Variants in MUC4 observed in about 807,000 individuals in gnomAD.
The protein encoded by MUC4 is mucin 4, cell surface associated.
MUC4 carries 202 observed loss-of-function variants against 257.9 expected under a neutral mutation model. The observed-to-expected ratio is 0.78, with a 90% CI of 0.70 to 0.88. MUC4 has a LOEUF of 0.88. MUC4 is among the 40% of genes least tolerant of loss of function. The probability of loss-of-function intolerance (pLI) is 0.00; values close to 1 mark genes in which losing one functional copy is unlikely to be tolerated. For missense variants in MUC4, 5,976 were observed against 6,513.7 expected, an observed-to-expected ratio of 0.92 and a Z score of 2.84; for synonymous variants, 2,351 against 2,757.1, an observed-to-expected ratio of 0.85 and a Z score of 4.62.
intron 1 of MUC4, among the ~76,000 whole-genome samples, chr3:195,797,127 G>C (rs1734673314): frequency 6.6e-6 from 1 of 151,862 alleles, no homozygotes; most frequent in Non-Finnish European, 1.5e-5. Flanking sequence ...GTGTGTGCTG[G>C]GCTTGGTGGC....
intron 24 of MUC4, among the ~76,000 whole-genome samples, chr3:195,748,056 C>G (rs1253256119): frequency 6.6e-6 from 1 of 150,850 alleles, no homozygotes; most frequent in Non-Finnish European, 1.5e-5. Flanking sequence ...TCGGCGGGAT[C>G]TGGAACTGCA....
At chr3:195,764,963 G>A (rs781460835) in intron 10 of MUC4, 34 bp downstream of exon 10, 32 of 1,606,300 alleles carry the variant, frequency 2.0e-5, no homozygotes, top group African/African-American at 8.0e-5. Flanking sequence ...CTACTTGGCC[G>A]GGAAGGTGGG....
rs779723330 is a variant in MUC4 at position 195,781,456 on chromosome 3, G to A, written c.10124C>T (p.Thr3375Ile). The change falls in exon 2 of 25, where the codon ACC (threonine) becomes ATC (isoleucine). Residue 3375 changes from threonine to isoleucine, a missense_variant. This residue lies in a region of MUC4 where 297 missense variants were observed against 240.9 expected (regional missense o/e 1.23). Transcript: ENST00000463781. ...GLSSASTGDT[T>I]RLPVTDISSA... ...GGAAATGTCGGTGACAGGAAGACGG[G>A]TGGTGTCACCTGTGGAAGCTGAGGA... 1.3e-6 allele frequency: 2 copies of A among 1,539,208 alleles called. No homozygotes were observed. The highest frequency in any genetic ancestry group is 1.5e-5 in the African/African-American group (1 of 68,346).
intron 20 of MUC4, 133 bp from the exon 21 acceptor site, chr3:195,752,579 GCCC>G: frequency 2.8e-6 from 2 of 720,088 alleles, no homozygotes; most frequent in Non-Finnish European, 2.5e-6. Context: ...GGGAGAAGTG[GCCC>G]TCACCCTACA....
chr3:195,797,629 T>C (rs1195452118), intron 1 of MUC4, among the ~76,000 whole-genome samples: 7 of 152,222 alleles, frequency 4.6e-5, no homozygotes. Context: ...TTGAAGGTTT[T>C]AGCTGGTGAA....
intron 21 of MUC4, chr3:195,751,733 G>GTGTGGAT: frequency 4.2e-6 from 1 of 238,920 alleles, no homozygotes; most frequent in Non-Finnish European, 8.2e-6. Context: ...GGAGTGTGGA[G>GTGTGGAT]TGGGGAGTGC....
rs564268692 is a variant in MUC4, at chr3:195,755,353, G to A, written c.15169-981C>T. Among the ~76,000 whole-genome samples, 82 of 151,808 alleles carry A rather than the reference G, an allele frequency of 5.4e-4. No homozygotes were observed. The highest frequency in any genetic ancestry group is 1.9e-3 in the African/African-American group (77 of 41,398). On this transcript the variant is annotated intron_variant, in intron 18 of 24. Transcript: ENST00000463781. The surrounding 1 kb of genome is among the most constrained non-coding windows in gnomAD (Gnocchi z 5.0). Reference sequence around the variant, plus strand: ...TGAGATTACAGGCATATGCCACCACGCCCAGCTAATTTTTTGATTTTTAGT... The same window carrying A: ...TGAGATTACAGGCATATGCCACCACACCCAGCTAATTTTTTGATTTTTAGT...
intron 1 of MUC4, among the ~76,000 whole-genome samples, chr3:195,801,482 C>T (rs1735304700): frequency 6.6e-6 from 1 of 151,986 alleles, no homozygotes; most frequent in African/African-American, 2.4e-5. Flanking sequence ...ACTGCTCTGC[C>T]TCTGTGTCTC....
Position 195,757,108 on chromosome 3 carries a change from C to G in MUC4, c.15168+39G>C. The G allele has an allele frequency of 6.4e-7, 1 of 1,566,860 alleles. No homozygotes were observed. Among genetic ancestry groups the G allele is most frequent in the Non-Finnish European group, 8.7e-7 (1 of 1,146,988 alleles). On this transcript the variant is annotated intron_variant, in intron 18 of 24. Transcript: ENST00000463781. The surrounding 1 kb of genome is among the most constrained non-coding windows in gnomAD (Gnocchi z 4.8). ...CCATTCCACTCCCATTTCCTCTCCC[C>G]TCGGCACAGAAACTCCTCCCCCACC...
intron 4 of MUC4, 62 bp downstream of exon 4, chr3:195,774,110 G>A (rs1052091663): frequency 4.0e-5 from 61 of 1,510,560 alleles, no homozygotes; most frequent in Middle Eastern, 2.3e-4. Context: ...GTTCCGTCTC[G>A]AAGCAGGAGA....
intron 23 of MUC4, among the ~76,000 whole-genome samples, chr3:195,749,595 A>C (rs1248576049): frequency 6.6e-6 from 1 of 152,182 alleles, no homozygotes; most frequent in African/African-American, 2.4e-5. Flanking sequence ...GTAAGCACTC[A>C]AACAATGGTA....
chr3:195,769,982 C>T (rs1722432970), intron 6 of MUC4, among the ~76,000 whole-genome samples: 1 of 151,732 alleles, frequency 6.6e-6, no homozygotes, highest in Non-Finnish European at 1.5e-5. Context: ...CCTAATAATA[C>T]CCGGTTTGCT....
intron 2 of MUC4, 135 bp from the exon 3 acceptor site, chr3:195,778,590 C>T (rs1412869950): frequency 3.0e-6 from 4 of 1,321,318 alleles, no homozygotes; most frequent in Non-Finnish European, 4.1e-6. Flanking sequence ...ATCCAAACTA[C>T]TCTCGACATC....
chr3:195,768,935 C>A, intron 7 of MUC4, 87 bp downstream of exon 7: 1 of 1,503,006 alleles, frequency 6.7e-7, no homozygotes. Flanking sequence ...CCCGCCTTGC[C>A]CCAGGATGGG....
Position 195,791,003 on chromosome 3 carries a change from C to T in MUC4, c.577G>A (p.Ala193Thr), listed in dbSNP as rs764975476. Residue 193 changes from alanine to threonine, a missense_variant, in exon 2 of 25, where the codon GCT becomes ACT. Ala to Thr is a moderately conservative substitution (Grantham distance 58). Transcript: ENST00000463781. Reference sequence around the variant, plus strand: ...CGAGTCCAGTGGTTCTGAGAAGAAGCTGATGTGTCTTGGATAGAGGTCCTC... The same window carrying T: ...CGAGTCCAGTGGTTCTGAGAAGAAGTTGATGTGTCTTGGATAGAGGTCCTC... Reference protein sequence around the residue: ...SWRTSIQDTSASSQNHWTRST... With the variant: ...SWRTSIQDTSTSSQNHWTRST... The T allele has an allele frequency of 1.4e-5, 22 of 1,613,800 alleles. No individual in the cohort carries two copies. The highest frequency in any genetic ancestry group is 4.5e-5 in the East Asian group (2 of 44,888).
rs1368787322 is a variant in MUC4, at chr3:195,759,702, C to T, written c.14849-441G>A. Among the ~76,000 whole-genome samples the T allele has an allele frequency of 2.0e-5, 3 of 152,256 alleles. No individual in the cohort carries two copies. The East Asian group carries it at 5.8e-4, about 29-fold the overall frequency. On this transcript the variant is annotated intron_variant, in intron 16 of 24. Coordinates refer to ENST00000463781, the MANE Select transcript of MUC4 (RefSeq NM_018406.7). ...TGGGAGGCCGAGGCCGGTGGATAACCTGAGGTCAGGAGTTCGCGACCAGCC... is the reference window on the plus strand; with the variant it reads ...TGGGAGGCCGAGGCCGGTGGATAACTTGAGGTCAGGAGTTCGCGACCAGCC...
At chr3:195,791,560 G>C (rs1733872286) in intron 1 of MUC4, 63 bp from the exon 2 acceptor site, 1 of 1,025,836 alleles carries the variant, frequency 9.7e-7, no homozygotes, top group African/African-American at 1.6e-5. Flanking sequence ...ATTCACAATT[G>C]CTACAAATAG....
intron 1 of MUC4, among the ~76,000 whole-genome samples, chr3:195,793,650 G>T (rs146098122): frequency 1.3e-5 from 2 of 152,146 alleles, no homozygotes; most frequent in African/African-American, 4.8e-5. Flanking sequence ...TCCAGCTCCC[G>T]CCTGTCTTCC....
At chr3:195,770,755 G>T (rs116817046) in intron 5 of MUC4, 2 of 432,312 alleles carry the variant, frequency 4.6e-6, no homozygotes, top group Admixed American at 2.6e-5. Context: ...TGCCCTGTCC[G>T]TGGCAGGGGC....
Sources: allele counts gnomAD v4.1 joint callset (sites outside exome capture counted in the v4.1 genomes callset), GRCh38; gene constraint gnomAD v4.1.1; regional missense constraint gnomAD v4.1.1; non-coding constraint Gnocchi (gnomAD v3.1); transcripts MANE v1.5; gene names NCBI Gene and HGNC (gene_info 2026-07-23, HGNC 2026-07-21).